The following RANBP17 variants were observed in gnomAD, a reference collection of about 807,000 sequenced individuals.
The protein encoded by RANBP17 is RAN binding protein 17, also known as ran-binding protein 17.
RANBP17 carries 158 observed loss-of-function variants against 141.2 expected under a neutral mutation model. The observed-to-expected ratio is 1.12, with a 90% CI of 0.98 to 1.28. The LOEUF (loss-of-function observed/expected upper bound fraction) is 1.28. Among genes scored for constraint, RANBP17 ranks in the 50% most tolerant of loss-of-function variants. The probability of loss-of-function intolerance (pLI) is 0.00; values close to 1 mark genes in which losing one functional copy is unlikely to be tolerated. For synonymous variants in RANBP17, 430 were observed against 450.0 expected, an observed-to-expected ratio of 0.96 and a Z score of 0.56; for missense variants, 1,438 against 1,290.7, an observed-to-expected ratio of 1.11 and a Z score of -1.75.
At chr5:170,976,820 T>C (rs1281579048) in intron 14 of RANBP17, among the ~76,000 whole-genome samples, 2 of 152,094 alleles carry the variant, frequency 1.3e-5, no homozygotes, top group Non-Finnish European at 2.9e-5. Context: ...TTCAAAAGAA[T>C]GAAGTTAGTC....
At chr5:170,908,888 T>G (rs570016612) in intron 5 of RANBP17, among the ~76,000 whole-genome samples, 1 of 151,976 alleles carries the variant, frequency 6.6e-6, no homozygotes, top group Admixed American at 6.6e-5. Flanking sequence ...AGGAAAATGG[T>G]TTATTTTCTT....
At chr5:171,295,345 C>T (rs1768750229) in intron 26 of RANBP17, among the ~76,000 whole-genome samples, 1 of 152,084 alleles carries the variant, frequency 6.6e-6, no homozygotes. Context: ...TAAAGCACGC[C>T]CCTCTAGTAC....
chr5:170,930,404 TTTTATTTATTTA>T (rs201554306), intron 12 of RANBP17, among the ~76,000 whole-genome samples: 1 of 151,392 alleles, frequency 6.6e-6, no homozygotes, highest in South Asian at 2.1e-4. Flanking sequence ...TTATTTTTTA[TTTTATTTATTTA>T]TTTATTTATT....
chr5:171,128,450 A>C (rs374998964), intron 14 of RANBP17, among the ~76,000 whole-genome samples: 1 of 152,230 alleles, frequency 6.6e-6, no homozygotes, highest in African/African-American at 2.4e-5. Flanking sequence ...CATATGAGAG[A>C]GCTAAAAAAA....
intron 25 of RANBP17, among the ~76,000 whole-genome samples, chr5:171,282,635 C>T (rs571093724): frequency 6.6e-6 from 1 of 152,224 alleles, no homozygotes; most frequent in South Asian, 2.1e-4. Flanking sequence ...CGCACCACCA[C>T]TCCAGGCTAA....
Position 171,277,637 on chromosome 5 carries a change from G to GTA in RANBP17, c.2943+11820_2943+11821dup, listed in dbSNP as rs70982330. 6.7e-4 allele frequency among the ~76,000 whole-genome samples: 38 copies of GTA among 56,918 alleles called. 1 individual carries two copies. The highest frequency in any genetic ancestry group is 1.9e-3 in the African/African-American group (32 of 17,220). The allele number at this position is 56,918 out of a possible 152,430, so 37.3% of individuals were successfully genotyped here. A position where few individuals can be genotyped will look rare whatever the true frequency, so the allele number is the denominator to read the frequency against. On this transcript the variant is annotated intron_variant, in intron 25 of 27. Coordinates refer to ENST00000523189, the MANE Select transcript of RANBP17 (RefSeq NM_022897.5). Reference sequence around the variant, plus strand: ...GTGCCTTACGTATACATATATGTATGTATATATATATATATATATATATAT... The same window carrying GTA: ...GTGCCTTACGTATACATATATGTATGTATATATATATATATATATATATATAT...
At chr5:171,229,004 A>G (rs74657042) in intron 22 of RANBP17, among the ~76,000 whole-genome samples, 1,540 of 152,310 alleles carry the variant, frequency 0.01, 24 homozygotes, top group African/African-American at 0.036. Context: ...AACTCACAAT[A>G]TTTCCAAAGT....
chr5:170,948,422 A>G (rs945723316), intron 12 of RANBP17, among the ~76,000 whole-genome samples: 4 of 152,212 alleles, frequency 2.6e-5, no homozygotes, highest in African/African-American at 9.6e-5. Context: ...ATTTTTTAAC[A>G]ATCAGCAATT....
At chr5:170,918,889 T>C (rs367951148) in intron 10 of RANBP17, 30 bp downstream of exon 10, 1 of 1,451,674 alleles carries the variant, frequency 6.9e-7, no homozygotes, top group African/African-American at 1.4e-5. Flanking sequence ...TATGTTAAAC[T>C]GTAGCCAGTT....
At chr5:171,280,789 C>T (rs933126710) in intron 25 of RANBP17, among the ~76,000 whole-genome samples, 2 of 152,186 alleles carry the variant, frequency 1.3e-5, no homozygotes, top group African/African-American at 2.4e-5. Context: ...TCCCTTGGCA[C>T]GCTTAGAAGA....
chr5:171,219,501 A>G (rs1290718173), intron 21 of RANBP17, among the ~76,000 whole-genome samples: 1 of 152,014 alleles, frequency 6.6e-6, no homozygotes, highest in Non-Finnish European at 1.5e-5. Context: ...ACTTGGTTCC[A>G]TTCTCCTCAT....
At chr5:171,226,784 G>GTATGTGATTTTAA (rs1763908712) in intron 22 of RANBP17, among the ~76,000 whole-genome samples, 2 of 152,300 alleles carry the variant, frequency 1.3e-5, no homozygotes, top group Non-Finnish European at 2.9e-5. Flanking sequence ...AAAAGAGGCT[G>GTATGTGATTTTAA]AAAATCACTT....
chr5:170,881,975 A>T, intron 3 of RANBP17, 79 bp downstream of exon 3: 1 of 855,394 alleles, frequency 1.2e-6, no homozygotes, highest in Non-Finnish European at 1.8e-6. Context: ...TGTTACTAGG[A>T]TTGCAAATTT....
chr5:171,059,513 A>G (rs1294687604), intron 14 of RANBP17, among the ~76,000 whole-genome samples: 1 of 151,068 alleles, frequency 6.6e-6, no homozygotes, highest in Non-Finnish European at 1.5e-5. Flanking sequence ...GTTCTGTTCC[A>G]TTGATCTATA....
chr5:171,054,429 GAC>G (rs1369853860), intron 14 of RANBP17, among the ~76,000 whole-genome samples: 8 of 152,312 alleles, frequency 5.3e-5, no homozygotes, highest in African/African-American at 1.9e-4. Context: ...CCCCATTTTA[GAC>G]CATATAGGGT....
chr5:171,294,082 C>A, intron 26 of RANBP17, 101 bp downstream of exon 26: 1 of 885,118 alleles, frequency 1.1e-6, no homozygotes, highest in Non-Finnish European at 1.9e-6. Flanking sequence ...GGAGCAGAGC[C>A]AATTGAATTT....
At chr5:170,892,349 G>A (rs747078619) in intron 3 of RANBP17, 38 bp from the exon 4 acceptor site, 7 of 972,736 alleles carry the variant, frequency 7.2e-6, no homozygotes, top group Non-Finnish European at 7.8e-6. Context: ...TGTTGTTTCT[G>A]AAAAGTCCAG....
At chr5:171,053,982 CTATTT>C in intron 14 of RANBP17, among the ~76,000 whole-genome samples, 1 of 143,660 alleles carries the variant, frequency 7.0e-6, no homozygotes, top group East Asian at 2.0e-4. Context: ...ACTGAAATGA[CTATTT>C]TATCAATATG....
At chr5:170,959,004 T>C (rs1561931903) in intron 13 of RANBP17, among the ~76,000 whole-genome samples, 1 of 152,222 alleles carries the variant, frequency 6.6e-6, no homozygotes, top group Non-Finnish European at 1.5e-5. Flanking sequence ...TATCAGACCT[T>C]GGCGATGACC....
Sources: allele counts gnomAD v4.1 joint callset (sites outside exome capture counted in the v4.1 genomes callset), GRCh38; gene constraint gnomAD v4.1.1; transcripts MANE v1.5; gene names NCBI Gene and HGNC (gene_info 2026-07-23, HGNC 2026-07-21).